CAPN13: variants seen among roughly 807,000 people sequenced by gnomAD.
CAPN13 encodes the protein calpain 13.
CAPN13 carries 90 observed loss-of-function variants against 98.4 expected under a neutral mutation model. The ratio of observed to expected loss-of-function variants is 0.92; its 90% CI spans 0.77 to 1.09. The LOEUF (loss-of-function observed/expected upper bound fraction) is 1.09, where lower values mean the gene tolerates loss of function less well. CAPN13 is among the 50% of genes least tolerant of loss of function. The pLI is 0.00. For synonymous variants in CAPN13, 330 were observed against 305.5 expected, an observed-to-expected ratio of 1.08 and a Z score of -0.84; for missense variants, 887 against 841.3, an observed-to-expected ratio of 1.05 and a Z score of -0.67.
chr2:30,737,970 C>G (rs1671458799), intron 17 of CAPN13: 4 of 70,746 alleles, frequency 5.7e-5, no homozygotes, highest in Admixed American at 1.6e-4. Context: ...TATAAGGACA[C>G]ACACACACAC....
At chr2:30,790,647 A>G (rs1469767158) in intron 1 of CAPN13, among the ~76,000 whole-genome samples, 1 of 152,222 alleles carries the variant, frequency 6.6e-6, no homozygotes, top group Non-Finnish European at 1.5e-5. Context: ...CTGCCATAGC[A>G]AAATACCACC....
intron 12 of CAPN13, among the ~76,000 whole-genome samples, chr2:30,744,483 A>C (rs1671810818): frequency 6.6e-6 from 1 of 152,164 alleles, no homozygotes. Flanking sequence ...TCTTCTCCAG[A>C]GGGTCAGCAG....
intron 22 of CAPN13, among the ~76,000 whole-genome samples, chr2:30,724,114 A>G (rs926421571): frequency 2.0e-5 from 3 of 152,070 alleles, no homozygotes; most frequent in African/African-American, 4.8e-5. Context: ...TCATGTCTAC[A>G]TCTTCCCTCC....
intron 5 of CAPN13, among the ~76,000 whole-genome samples, chr2:30,768,286 G>A (rs1218450510): frequency 1.3e-5 from 2 of 152,232 alleles, no homozygotes; most frequent in East Asian, 1.9e-4. Flanking sequence ...GCAGGGAATC[G>A]GGTGGAAAGC....
At chr2:30,754,191 G>A (rs1017521529) in intron 9 of CAPN13, 99 bp downstream of exon 9, 4 of 958,864 alleles carry the variant, frequency 4.2e-6, no homozygotes, top group Non-Finnish European at 4.4e-6. Context: ...TCTCTGCAAA[G>A]CTATTTTCCA....
chr2:30,805,220 T>C lies in CAPN13; in HGVS notation c.-33+2082A>G, dbSNP rs17010345. 8.3e-3 allele frequency among the ~76,000 whole-genome samples: 1,265 copies of C among 152,280 alleles called. 19 individuals are homozygous for C. Among genetic ancestry groups the C allele is most frequent in the African/African-American group, 0.029 (1,211 of 41,560 alleles). On this transcript the variant is annotated intron_variant, in intron 1 of 22. Transcript: ENST00000295055. ...GAGACAGAGTGAGCCAACATATAAA[T>C]GTCCTCTCTACCCTTGCTCGGATAG...
In CAPN13 at chr2:30,730,745, G is replaced by T. The variant is rs1466017667; in HGVS notation, c.*15C>A. 2 of 780,848 alleles carry T rather than the reference G, an allele frequency of 2.6e-6. No individual in the cohort carries two copies. The highest frequency in any genetic ancestry group is 2.4e-5 in the East Asian group (1 of 41,242). 48.4% of individuals were successfully genotyped at this position (780,848 alleles called of 1,614,324 possible). ...CATGTCTTACCTGAGCCATGGGTCT[G>T]CTTTCCTCTTTGCTTCAGTTGTACA... On this transcript the variant is annotated 3_prime_UTR_variant, in exon 22 of 23. Coordinates refer to ENST00000295055, the MANE Select transcript of CAPN13 (RefSeq NM_144575.3).
chr2:30,764,323 G>GA lies in CAPN13; in HGVS notation c.525-18dup. On this transcript the variant is annotated splice_polypyrimidine_tract_variant and intron_variant, in intron 5 of 22. Transcript: ENST00000295055. ...CCGAGCAGCCTGGGAGGGAATGGGG[G>GA]ATGAACCATCGTGGTGCCTTTGGTG... is the stretch of plus-strand genomic sequence containing the variant. 1 of 1,612,082 alleles carries GA rather than the reference G, an allele frequency of 6.2e-7. No homozygotes were observed. Among genetic ancestry groups the GA allele is most frequent in the Non-Finnish European group, 8.5e-7 (1 of 1,179,090 alleles).
intron 5 of CAPN13, among the ~76,000 whole-genome samples, chr2:30,766,442 G>A (rs1233419290): frequency 6.6e-6 from 1 of 152,224 alleles, no homozygotes; most frequent in Non-Finnish European, 1.5e-5. Context: ...GCAGCAGCTG[G>A]GTGTTTTGAC....
At chr2:30,727,950 A>G (rs1670917306) in intron 22 of CAPN13, among the ~76,000 whole-genome samples, 1 of 152,132 alleles carries the variant, frequency 6.6e-6, no homozygotes, top group South Asian at 2.1e-4. Flanking sequence ...GGGTAAAGCC[A>G]CAATGAAATA....
At chr2:30,753,467 T>C (rs1445846210) in intron 9 of CAPN13, among the ~76,000 whole-genome samples, 1 of 152,232 alleles carries the variant, frequency 6.6e-6, no homozygotes, top group South Asian at 2.1e-4. Flanking sequence ...ATTGATCCGA[T>C]GGTGAGCCCT....
At chr2:30,788,839 T>C (rs1188057962) in intron 1 of CAPN13, among the ~76,000 whole-genome samples, 2 of 152,180 alleles carry the variant, frequency 1.3e-5, no homozygotes, top group African/African-American at 4.8e-5. Flanking sequence ...TGCAAGCATA[T>C]TTGGAGAGAA....
At chr2:30,740,196 G>C (rs1035714518) in intron 15 of CAPN13, among the ~76,000 whole-genome samples, 6 of 149,264 alleles carry the variant, frequency 4.0e-5, no homozygotes, top group African/African-American at 1.2e-4. Flanking sequence ...GTGGGTTCAG[G>C]CAATTCGCCT....
intron 12 of CAPN13, 33 bp from the exon 13 acceptor site, chr2:30,743,612 A>C (rs750192415): frequency 1.5e-4 from 248 of 1,606,412 alleles, no homozygotes; most frequent in Non-Finnish European, 1.9e-4. Flanking sequence ...GATTGTGAGA[A>C]AGCCTCCTCT....
chr2:30,766,198 G>A (rs935486596), intron 5 of CAPN13, among the ~76,000 whole-genome samples: 13 of 152,234 alleles, frequency 8.5e-5, no homozygotes, highest in Admixed American at 7.8e-4. Context: ...AAACAGGGCT[G>A]TGCTAAAGAA....
At chr2:30,787,786 G>C (rs1674382281) in intron 1 of CAPN13, among the ~76,000 whole-genome samples, 1 of 152,172 alleles carries the variant, frequency 6.6e-6, no homozygotes, top group Non-Finnish European at 1.5e-5. Flanking sequence ...TGGGTAGGAA[G>C]TGTTGGATGA....
chr2:30,745,852 C>T, intron 11 of CAPN13, 118 bp from the exon 12 acceptor site: 1 of 685,012 alleles, frequency 1.5e-6, no homozygotes, highest in Middle Eastern at 2.5e-4. Context: ...TTTTCTTCCT[C>T]TCTTTTAAAG....
At chr2:30,781,444 G>A (rs1313744655) in intron 2 of CAPN13, among the ~76,000 whole-genome samples, 1 of 152,224 alleles carries the variant, frequency 6.6e-6, no homozygotes, top group Non-Finnish European at 1.5e-5. Flanking sequence ...TTCTGGGCAT[G>A]TCCATGAGGG....
intron 8 of CAPN13, among the ~76,000 whole-genome samples, chr2:30,756,248 T>G (rs955874055): frequency 4.6e-5 from 7 of 152,172 alleles, no homozygotes; most frequent in Non-Finnish European, 8.8e-5. Context: ...TCTCTCCCAG[T>G]TTCCTCTGCC....
Sources: gnomAD v4.1 joint callset for allele counts (sites outside exome capture counted in the v4.1 genomes callset) on GRCh38, gnomAD v4.1.1 for gene constraint, MANE v1.5 for transcripts, NCBI Gene and HGNC (gene_info 2026-07-23, HGNC 2026-07-21) for gene names.